Variants in FARS2 observed in about 807,000 individuals in gnomAD.
FARS2 encodes phenylalanyl-tRNA synthetase 2, mitochondrial, also known as phenylalanine--tRNA ligase, mitochondrial.
In FARS2, 40 loss-of-function variants were observed where a neutral mutation model predicts 46.4. That is an observed-to-expected ratio of 0.86 (90% CI 0.67 to 1.12). FARS2 has a LOEUF of 1.12. FARS2 is among the 50% of genes most tolerant of loss of function. FARS2 has a pLI of 0.00. For missense variants in FARS2, 513 were observed against 567.9 expected (o/e 0.90, Z 0.98); for synonymous variants, 234 against 214.9 (o/e 1.09, Z -0.78).
At chr6:5,335,615 T>C (rs1771100141) in intron 1 of FARS2, among the ~76,000 whole-genome samples, 1 of 152,198 alleles carries the variant, frequency 6.6e-6, no homozygotes, top group Non-Finnish European at 1.5e-5. Flanking sequence ...AGTTGTAATG[T>C]AAATCAGTTT....
intron 1 of FARS2, among the ~76,000 whole-genome samples, chr6:5,361,593 A>G (rs1758306548): frequency 6.6e-6 from 1 of 152,220 alleles, no homozygotes; most frequent in South Asian, 2.1e-4. Flanking sequence ...GAGCAAAAGC[A>G]TTCTCTTGAC....
intron 1 of FARS2, among the ~76,000 whole-genome samples, chr6:5,282,095 C>A (rs1010453223): frequency 6.6e-6 from 1 of 152,174 alleles, no homozygotes; most frequent in African/African-American, 2.4e-5. Context: ...GAATGCTGTG[C>A]AACCATGCAA....
At chr6:5,692,173 T>C (rs928444792) in intron 6 of FARS2, among the ~76,000 whole-genome samples, 4 of 152,220 alleles carry the variant, frequency 2.6e-5, no homozygotes, top group African/African-American at 9.6e-5. Flanking sequence ...CGGCTCATGC[T>C]CGGTGCGCTG....
chr6:5,712,538 A>G (rs1035906588), intron 6 of FARS2, among the ~76,000 whole-genome samples: 2 of 152,176 alleles, frequency 1.3e-5, no homozygotes, highest in Non-Finnish European at 2.9e-5. Flanking sequence ...CCATCTCCTC[A>G]GCAACTCGGA....
intron 6 of FARS2, among the ~76,000 whole-genome samples, chr6:5,654,002 G>A (rs1028407120): frequency 6.6e-6 from 1 of 152,182 alleles, no homozygotes; most frequent in African/African-American, 2.4e-5. Flanking sequence ...CATGGGTGCT[G>A]TGTGTAAGTA....
At chr6:5,609,870 A>G in intron 5 of FARS2, 4 of 994,750 alleles carry the variant, frequency 4.0e-6, no homozygotes, top group Non-Finnish European at 6.3e-6. Flanking sequence ...CTTTAATGCC[A>G]CCAACAAATG....
chr6:5,765,094 C>G lies in FARS2; in HGVS notation c.1218-6197C>G, dbSNP rs1027506770. Among the ~76,000 whole-genome samples, 1 of 152,236 alleles carries G rather than the reference C, an allele frequency of 6.6e-6. No homozygotes were observed. Among genetic ancestry groups the G allele is most frequent in the Admixed American group, 6.5e-5 (1 of 15,288 alleles). On this transcript the variant is annotated intron_variant, in intron 6 of 6. Coordinates refer to ENST00000274680, the MANE Select transcript of FARS2 (RefSeq NM_006567.5). This position sits in a 1 kb window ranked among gnomAD's most constrained non-coding sequence, Gnocchi z 4.0. ...ATACTCAGCACCTATACATCCTTGT[C>G]TTTGGTCTAGGGGCTCTGGTAGGAG... is the stretch of plus-strand genomic sequence containing the variant.
chr6:5,448,167 C>T (rs899962724), intron 4 of FARS2, among the ~76,000 whole-genome samples: 2 of 152,126 alleles, frequency 1.3e-5, no homozygotes, highest in Non-Finnish European at 2.9e-5. Flanking sequence ...GCATGTGAGG[C>T]TTTATACACA....
At chr6:5,321,948 A>G (rs1407541794) in intron 1 of FARS2, among the ~76,000 whole-genome samples, 2 of 152,356 alleles carry the variant, frequency 1.3e-5, no homozygotes, top group African/African-American at 2.4e-5. Flanking sequence ...TATGTCTTAC[A>G]TTATTTTCAA....
chr6:5,375,660 T>C (rs1759331186), intron 2 of FARS2, among the ~76,000 whole-genome samples: 1 of 152,072 alleles, frequency 6.6e-6, no homozygotes, highest in Admixed American at 6.5e-5. Context: ...GTAGAGAACA[T>C]TGCAACAGCT....
intron 4 of FARS2, among the ~76,000 whole-genome samples, chr6:5,495,043 TG>T (rs1767370219): frequency 6.6e-6 from 1 of 152,228 alleles, no homozygotes; most frequent in Non-Finnish European, 1.5e-5. Context: ...TTGAACATTG[TG>T]GGTGACGAAT....
At chr6:5,573,870 A>G (rs1044055873) in intron 5 of FARS2, among the ~76,000 whole-genome samples, 5 of 152,204 alleles carry the variant, frequency 3.3e-5, no homozygotes, top group African/African-American at 1.2e-4. Context: ...GGGTCCTATC[A>G]GTATTCAGTA....
intron 6 of FARS2, among the ~76,000 whole-genome samples, chr6:5,721,034 C>T (rs112835773): frequency 0.021 from 3,223 of 152,286 alleles, 112 homozygotes; most frequent in African/African-American, 0.07. Flanking sequence ...GCCTGGGTGA[C>T]ATAGTGAAAC....
intron 5 of FARS2, among the ~76,000 whole-genome samples, chr6:5,573,924 A>C (rs1003820690): frequency 6.6e-6 from 1 of 152,138 alleles, no homozygotes; most frequent in African/African-American, 2.4e-5. Flanking sequence ...TTTTCAGTTA[A>C]AGTGTATTTT....
the FARS2 span, among the ~76,000 whole-genome samples, chr6:5,252,575 A>G: frequency 6.6e-6 from 1 of 152,148 alleles, no homozygotes; most frequent in Non-Finnish European, 1.5e-5. Context: ...CTGTTGCCTA[A>G]TCAATAGTTC....
chr6:5,256,029 G>A, the FARS2 span, among the ~76,000 whole-genome samples: 6 of 151,384 alleles, frequency 4.0e-5, no homozygotes, highest in Non-Finnish European at 8.8e-5. Flanking sequence ...CAGTGGTGCC[G>A]ACTACAGCCC....
At chr6:5,690,747 C>A (rs889028472) in intron 6 of FARS2, among the ~76,000 whole-genome samples, 3 of 152,212 alleles carry the variant, frequency 2.0e-5, no homozygotes, top group Non-Finnish European at 4.4e-5. Flanking sequence ...GTTGGCCTCC[C>A]TTGCTAGATT....
intron 6 of FARS2, among the ~76,000 whole-genome samples, chr6:5,639,691 C>T (rs1272632555): frequency 1.3e-5 from 2 of 152,068 alleles, no homozygotes; most frequent in Non-Finnish European, 2.9e-5. Flanking sequence ...CAGCTAAGAA[C>T]AGTGCCAAGC....
chr6:5,741,069 T>C, intron 6 of FARS2, among the ~76,000 whole-genome samples: 1 of 152,164 alleles, frequency 6.6e-6, no homozygotes, highest in South Asian at 2.1e-4. Context: ...ATGCCTGCCC[T>C]TCCTCCCACA....
Sources: allele counts gnomAD v4.1 joint callset (sites outside exome capture counted in the v4.1 genomes callset), GRCh38; gene constraint gnomAD v4.1.1; non-coding constraint Gnocchi (gnomAD v3.1); transcripts MANE v1.5; gene names NCBI Gene and HGNC (gene_info 2026-07-23, HGNC 2026-07-21).